SPAG17: variants seen among roughly 807,000 people sequenced by gnomAD.
SPAG17 encodes the protein sperm associated antigen 17.
Under a neutral mutation model 273.6 loss-of-function variants are expected in SPAG17, and 169 were observed. That is an observed-to-expected ratio of 0.62 (90% confidence interval 0.55 to 0.70). The LOEUF is 0.70. Ranked by LOEUF, SPAG17 falls within the 30% of genes least tolerant of loss-of-function variation. The pLI, the probability that SPAG17 is intolerant of heterozygous loss-of-function variation, is 0.00. For missense variants in SPAG17, 2,557 were observed against 2,627.8 expected (o/e 0.97, Z 0.59); for synonymous variants, 825 against 873.2 (o/e 0.94, Z 0.97).
At chr1:118,073,789 C>A (rs1653834866) in intron 17 of SPAG17, 65 bp downstream of exon 17, 2 of 1,087,830 alleles carry the variant, frequency 1.8e-6, no homozygotes, top group South Asian at 3.0e-5. Context: ...GTGAACTGTT[C>A]TAAATCACAG....
intron 42 of SPAG17, among the ~76,000 whole-genome samples, chr1:117,981,612 A>G (rs1571138424): frequency 6.6e-6 from 1 of 152,360 alleles, no homozygotes; most frequent in Non-Finnish European, 1.5e-5. Context: ...AACAAACAGT[A>G]AAGTATTTGC....
intron 3 of SPAG17, among the ~76,000 whole-genome samples, chr1:118,141,341 C>T (rs1300829475): frequency 6.6e-6 from 1 of 152,150 alleles, no homozygotes; most frequent in Non-Finnish European, 1.5e-5. Flanking sequence ...CTATGTACCA[C>T]CTGTACTATA....
chr1:117,996,752 T>C lies in SPAG17; in HGVS notation c.4777-9A>G. ...CTACCATCAGCCATGACCTAAGGGA[T>C]AAAGTATGTAAGCAACTAAAAGAAA... On this transcript the variant is annotated splice_polypyrimidine_tract_variant and intron_variant, in intron 32 of 48. Transcript: ENST00000336338. The C allele has an allele frequency of 6.3e-7, 1 of 1,590,738 alleles. No homozygotes were observed. The highest frequency in any genetic ancestry group is 1.9e-5 in the Admixed American group (1 of 53,692).
chr1:118,140,786 CTTAA>C (rs1366309116), intron 3 of SPAG17, among the ~76,000 whole-genome samples: 1 of 152,186 alleles, frequency 6.6e-6, no homozygotes, highest in Non-Finnish European at 1.5e-5. Flanking sequence ...TTTAAAAGAA[CTTAA>C]TTGTGTCATT....
At chr1:117,990,021 C>T (rs1256472021) in intron 38 of SPAG17, among the ~76,000 whole-genome samples, 2 of 152,174 alleles carry the variant, frequency 1.3e-5, no homozygotes, top group Non-Finnish European at 2.9e-5. Context: ...GGCCACCCTA[C>T]TACAGGAGTT....
rs1016894829 is a variant in SPAG17, at chr1:118,017,377, T to C, written c.4070-1195A>G. On this transcript the variant is annotated intron_variant, in intron 28 of 48. Transcript: ENST00000336338. ...AACATAAGGAACATAAGAAATACAA[T>C]GGGGTAAAGAATAGCATGGTATACA... 4.0e-5 allele frequency among the ~76,000 whole-genome samples: 6 copies of C among 151,882 alleles called. No individual in the cohort carries two copies. In the South Asian group the frequency reaches 6.2e-4, roughly 16 times the overall value.
chr1:118,125,521 T>C (rs1414662227), intron 3 of SPAG17, among the ~76,000 whole-genome samples: 4 of 152,132 alleles, frequency 2.6e-5, no homozygotes, highest in African/African-American at 9.7e-5. Context: ...ACCTCTCCCT[T>C]TCTTCCCCTT....
intron 4 of SPAG17, among the ~76,000 whole-genome samples, chr1:118,106,820 G>C (rs776553658): frequency 2.6e-5 from 4 of 152,136 alleles, no homozygotes; most frequent in Non-Finnish European, 4.4e-5. Context: ...GACAGTAAGA[G>C]GCCCTCTGGC....
At chr1:117,979,981 A>G (rs575315473) in intron 43 of SPAG17, among the ~76,000 whole-genome samples, 1 of 152,120 alleles carries the variant, frequency 6.6e-6, no homozygotes, top group South Asian at 2.1e-4. Flanking sequence ...AATTTATCTG[A>G]CTTATTTATT....
chr1:117,959,404 G>A, intron 48 of SPAG17: 1 of 1,612,624 alleles, frequency 6.2e-7, no homozygotes. Context: ...GAGAAGAAGA[G>A]GAAGAGGAAA....
At chr1:117,988,323 G>A (rs1463680142) in intron 38 of SPAG17, 119 bp from the exon 39 acceptor site, 1 of 620,762 alleles carries the variant, frequency 1.6e-6, no homozygotes, top group Non-Finnish European at 2.6e-6. Flanking sequence ...TCTATCAAGT[G>A]TTTACTAGGA....
chr1:117,998,308 G>A (rs1657888871), intron 32 of SPAG17, among the ~76,000 whole-genome samples: 1 of 152,230 alleles, frequency 6.6e-6, no homozygotes, highest in Middle Eastern at 3.4e-3. Context: ...TTATTGACTA[G>A]GGAGTCCTTT....
At chr1:118,093,018 G>T in intron 8 of SPAG17, 138 bp downstream of exon 8, 1 of 880,194 alleles carries the variant, frequency 1.1e-6, no homozygotes, top group Non-Finnish European at 1.7e-6. Flanking sequence ...CCATCATGTA[G>T]CTATCTTTTA....
Position 118,081,452 on chromosome 1 carries a change from G to T in SPAG17, c.1953C>A (p.Val651=). The stretch of plus-strand genomic sequence containing the variant: ...TGGCCTCTTGAGTATTCATTTTCAT[G>T]ACATATTGCTGCCTTATCTGTTTAG... ...RFAKQIRQQY[V]MKMNTQEAKQ... Residue 651 remains valine, a synonymous_variant, in exon 14 of 49, where the codon GTC becomes GTA. Transcript: ENST00000336338. 6.2e-7 allele frequency: 1 copy of T among 1,613,698 alleles called. No homozygotes were observed. The highest frequency in any genetic ancestry group is 1.1e-5 in the South Asian group (1 of 91,042).
intron 20 of SPAG17, among the ~76,000 whole-genome samples, chr1:118,053,374 G>A (rs1018561901): frequency 1.3e-5 from 2 of 151,926 alleles, no homozygotes; most frequent in Non-Finnish European, 2.9e-5. Flanking sequence ...TTACAACAAA[G>A]CTATCATAAT....
At chr1:118,123,612 C>G (rs1334273162) in intron 3 of SPAG17, among the ~76,000 whole-genome samples, 1 of 152,152 alleles carries the variant, frequency 6.6e-6, no homozygotes, top group Non-Finnish European at 1.5e-5. Flanking sequence ...TAGCAGGTGA[C>G]TCCTAGATCA....
In SPAG17 at chr1:118,016,176, CTT is replaced by C. The variant is rs748378452; in HGVS notation, c.4074_4075del (p.His1360GlnfsTer9). The C allele has an allele frequency of 3.1e-6, 5 of 1,612,088 alleles. No homozygotes were observed. The African/African-American group carries it at 6.7e-5, about 22-fold the overall frequency. ...GGCCATTGATGACTGACTTTTGTGA[CTT>C]TTTCCTGTGAAGTTCAAGTAAAATC... On this transcript the variant is annotated frameshift_variant, in exon 29 of 49. Coordinates refer to ENST00000336338, the MANE Select transcript of SPAG17 (RefSeq NM_206996.4). LOFTEE classifies it high-confidence loss of function.
At chr1:118,120,284 A>AG (rs1657347623) in intron 3 of SPAG17, among the ~76,000 whole-genome samples, 1 of 44 alleles carries the variant, frequency 0.023, no homozygotes, top group South Asian at 0.5. Flanking sequence ...TAGTGAGATT[A>AG]AAAAAAAACA....
intron 3 of SPAG17, among the ~76,000 whole-genome samples, chr1:118,129,602 T>C (rs1483358898): frequency 1.3e-5 from 2 of 152,178 alleles, no homozygotes; most frequent in East Asian, 3.9e-4. Flanking sequence ...CTCTCAGTTA[T>C]GCATTTATAT....
Sources: allele counts gnomAD v4.1 joint callset (sites outside exome capture counted in the v4.1 genomes callset), GRCh38; gene constraint gnomAD v4.1.1; transcripts MANE v1.5; gene names NCBI Gene and HGNC (gene_info 2026-07-23, HGNC 2026-07-21).